The following SMARCB1 variants were observed in gnomAD, a reference collection of about 807,000 sequenced individuals.
The protein encoded by SMARCB1 is SWI/SNF-related matrix-associated actin-dependent regulator of chromatin subfamily B member 1.
A neutral mutation model predicts 49.0 loss-of-function variants in SMARCB1; 5 were observed. The ratio of observed to expected loss-of-function variants is 0.10; its 90% CI spans 0.05 to 0.21. The LOEUF is 0.21. Among genes scored for constraint, SMARCB1 ranks in the 10% least tolerant of loss-of-function variants. The pLI, the probability that SMARCB1 is intolerant of heterozygous loss-of-function variation, is 1.00. For missense variants in SMARCB1, 226 were observed against 509.2 expected (o/e 0.44, Z 5.35); for synonymous variants, 201 against 200.1 (o/e 1.00, Z -0.04).
chr22:23,827,336 C>T (rs968235748), intron 7 of SMARCB1, among the ~76,000 whole-genome samples: 17 of 152,194 alleles, frequency 1.1e-4, no homozygotes, highest in African/African-American at 4.1e-4. Context: ...TTCTTTCAGC[C>T]ACCATGGCAC....
intron 7 of SMARCB1, among the ~76,000 whole-genome samples, chr22:23,829,124 AC>A (rs2146033830): frequency 6.6e-6 from 1 of 152,328 alleles, no homozygotes; most frequent in Admixed American, 6.5e-5. Flanking sequence ...CTGCAAAGTT[AC>A]TGGCACCTCC....
chr22:23,792,462 A>G (rs1268443542), intron 2 of SMARCB1: 4 of 224,668 alleles, frequency 1.8e-5, no homozygotes, highest in Non-Finnish European at 2.7e-5. Context: ...GCAGGGTGAA[A>G]GGGTGCTCTT....
At chr22:23,807,648 T>C (rs1929578218) in intron 5 of SMARCB1, among the ~76,000 whole-genome samples, 1 of 151,350 alleles carries the variant, frequency 6.6e-6, no homozygotes, top group African/African-American at 2.4e-5. Flanking sequence ...CCCAACATGA[T>C]TAACCCAAAG....
chr22:23,791,720 C>A (rs373718082), intron 1 of SMARCB1, 36 bp from the exon 2 acceptor site: 1 of 1,609,352 alleles, frequency 6.2e-7, no homozygotes, highest in Non-Finnish European at 8.5e-7. Flanking sequence ...TGTGGTGCTG[C>A]GACCCTTATA....
chr22:23,834,652 C>G lies in SMARCB1; in HGVS notation c.*472C>G. ...CCTCACCCTCCTCTGCCTCAGATTC[C>G]CAAGTGGGCAGGTGGGGGTGAATGG... On this transcript the variant is annotated 3_prime_UTR_variant, in exon 9 of 9. Coordinates refer to ENST00000644036, the MANE Select transcript of SMARCB1 (RefSeq NM_003073.5). 1.1e-6 allele frequency: 1 copy of G among 936,866 alleles called. No individual in the cohort carries two copies. The allele number at this position is 936,866 out of a possible 1,614,324, so 58.0% of individuals were successfully genotyped here.
chr22:23,820,271 C>G (rs553451257), intron 6 of SMARCB1, among the ~76,000 whole-genome samples: 3 of 152,186 alleles, frequency 2.0e-5, no homozygotes, highest in Admixed American at 2.0e-4. Context: ...GGTGTTAGCT[C>G]CTATTTAAAT....
At chr22:23,809,972 C>T (rs1042950055) in intron 5 of SMARCB1, among the ~76,000 whole-genome samples, 6 of 150,262 alleles carry the variant, frequency 4.0e-5, no homozygotes, top group African/African-American at 1.5e-4. Flanking sequence ...AATTGGAGGC[C>T]AGCCTGACCA....
rs533099329 is a variant in SMARCB1, at chr22:23,799,512, GT to G, written c.363-1415del. On this transcript the variant is annotated intron_variant, in intron 3 of 8. Transcript: ENST00000644036. ...AGGCTGGTTTCGAACTCACCTTTTGGTTTTTTTTTTTTTTTTTGAGATGGAG... is the reference window on the plus strand; with the variant it reads ...AGGCTGGTTTCGAACTCACCTTTTGGTTTTTTTTTTTTTTTTGAGATGGAG... Among the ~76,000 whole-genome samples, 824 of 107,834 alleles carry G rather than the reference GT, an allele frequency of 7.6e-3. 5 individuals are homozygous for G. Among genetic ancestry groups the G allele is most frequent in the Middle Eastern group, 0.031 (5 of 160 alleles). 70.7% of individuals were successfully genotyped at this position (107,834 alleles called of 152,430 possible).
intron 2 of SMARCB1, chr22:23,792,571 G>A (rs738794): frequency 0.81 from 136,230 of 168,710 alleles, 56,798 homozygotes; most frequent in Non-Finnish European, 0.92. Flanking sequence ...TTCCCACGTG[G>A]CAATGGCGCC....
At chr22:23,803,250 G>A (rs1929279195) in intron 4 of SMARCB1, 45 bp from the exon 5 acceptor site, 1 of 1,613,414 alleles carries the variant, frequency 6.2e-7, no homozygotes, top group African/African-American at 1.3e-5. Flanking sequence ...TGCATACCTA[G>A]GGCTCCGGCC....
chr22:23,832,649 A>G (rs1399933020), intron 7 of SMARCB1, among the ~76,000 whole-genome samples: 2 of 151,932 alleles, frequency 1.3e-5, no homozygotes, highest in Non-Finnish European at 2.9e-5. Context: ...TCAGCACCCA[A>G]AGCTGCTCTC....
rs58056758 is a variant in SMARCB1, at chr22:23,822,957, C to CTTT, written c.796-2229_796-2227dup. Among the ~76,000 whole-genome samples the CTTT allele has an allele frequency of 1.5e-3, 106 of 72,758 alleles. 23 individuals carry two copies. The highest frequency in any genetic ancestry group is 2.1e-3 in the Non-Finnish European group (80 of 37,372). 47.7% of individuals were successfully genotyped at this position (72,758 alleles called of 152,430 possible). A position where few individuals can be genotyped will look rare whatever the true frequency, so the allele number is the denominator to read the frequency against. ...TCTGTCAGTGCCCCCACCAGCATAG[C>CTTT]TTTTTTTTTTTTTTTTTTTTTTTTT... On this transcript the variant is annotated intron_variant, in intron 6 of 8. Coordinates refer to ENST00000644036, the MANE Select transcript of SMARCB1 (RefSeq NM_003073.5).
At chr22:23,800,442 G>A (rs1263484800) in intron 3 of SMARCB1, among the ~76,000 whole-genome samples, 1 of 152,072 alleles carries the variant, frequency 6.6e-6, no homozygotes, top group African/African-American at 2.4e-5. Flanking sequence ...TCAAAACCCT[G>A]GGGACTCCCA....
chr22:23,789,151 C>T (rs973127190), intron 1 of SMARCB1, among the ~76,000 whole-genome samples: 1 of 152,130 alleles, frequency 6.6e-6, no homozygotes, highest in African/African-American at 2.4e-5. Context: ...GCCTGGCCTC[C>T]ACTAATTTTT....
chr22:23,837,175 G>A lies in SMARCB1; in HGVS notation c.*2995G>A. 2 of 1,612,944 alleles carry A rather than the reference G, an allele frequency of 1.2e-6. No homozygotes were observed. Among genetic ancestry groups the A allele is most frequent in the Non-Finnish European group, 1.7e-6 (2 of 1,179,522 alleles). On this transcript the variant is annotated 3_prime_UTR_variant, in exon 9 of 9. Coordinates refer to ENST00000644036, the MANE Select transcript of SMARCB1 (RefSeq NM_003073.5). ...AATCCCTGTGAGACAGCCACGGACTGTGGGGTCACCCTCCACAGCCCAGAG... is the reference window on the plus strand; with the variant it reads ...AATCCCTGTGAGACAGCCACGGACTATGGGGTCACCCTCCACAGCCCAGAG...
intron 5 of SMARCB1, 108 bp downstream of exon 5, chr22:23,803,530 C>G (rs753799020): frequency 1.5e-5 from 20 of 1,297,878 alleles, no homozygotes; most frequent in Non-Finnish European, 2.1e-5. Flanking sequence ...GGACCTGACA[C>G]GCAGGACATC....
At chr22:23,792,109 T>C in intron 2 of SMARCB1, 1 of 607,286 alleles carries the variant, frequency 1.6e-6, no homozygotes, top group South Asian at 1.8e-5. Context: ...GCAGGGCCAT[T>C]GGGTATGTGA....
intron 6 of SMARCB1, chr22:23,817,404 C>A: frequency 4.8e-6 from 1 of 209,466 alleles, no homozygotes; most frequent in South Asian, 8.9e-5. Flanking sequence ...CCCTGCAGAG[C>A]CTATAGCATA....
chr22:23,813,443 G>C (rs1470235754), intron 5 of SMARCB1, among the ~76,000 whole-genome samples: 1 of 152,124 alleles, frequency 6.6e-6, no homozygotes. Flanking sequence ...CAAGATACAA[G>C]GGATACAAGG....
Sources: gnomAD v4.1 joint callset for allele counts (sites outside exome capture counted in the v4.1 genomes callset) on GRCh38, gnomAD v4.1.1 for gene constraint, MANE v1.5 for transcripts, NCBI Gene and HGNC (gene_info 2026-07-23, HGNC 2026-07-21) for gene names.